BABAM2: variants seen among roughly 807,000 people sequenced by gnomAD.
The protein encoded by BABAM2 is BRISC and BRCA1-A complex member 2.
In BABAM2, 31 loss-of-function variants were observed where a neutral mutation model predicts 54.7. That is an observed-to-expected ratio of 0.57 (90% CI 0.43 to 0.77). The LOEUF (loss-of-function observed/expected upper bound fraction) is 0.77. Ranked by LOEUF, BABAM2 falls within the 30% of genes least tolerant of loss-of-function variation. The pLI, the probability that BABAM2 is intolerant of heterozygous loss-of-function variation, is 0.00. For missense variants in BABAM2, 364 were observed against 455.8 expected (o/e 0.80, Z 1.83); for synonymous variants, 167 against 162.9 (o/e 1.03, Z -0.19).
chr2:28,194,242 A>G (rs910295119), intron 7 of BABAM2, among the ~76,000 whole-genome samples: 7 of 152,110 alleles, frequency 4.6e-5, no homozygotes, highest in African/African-American at 1.7e-4. Context: ...GCAGGGAGCC[A>G]TCTGGTTCCC....
chr2:28,094,251 A>G (rs560698598), intron 6 of BABAM2, among the ~76,000 whole-genome samples: 34 of 152,214 alleles, frequency 2.2e-4, no homozygotes, highest in Non-Finnish European at 4.4e-4. Flanking sequence ...TATGGTCACT[A>G]CAATAAATGC....
At chr2:28,264,794 C>G (rs1225842777) in intron 10 of BABAM2, among the ~76,000 whole-genome samples, 1 of 152,166 alleles carries the variant, frequency 6.6e-6, no homozygotes, top group African/African-American at 2.4e-5. Context: ...AGAGAGTAAA[C>G]ACAAAGACTT....
chr2:28,176,915 A>G (rs1384408923), intron 7 of BABAM2, among the ~76,000 whole-genome samples: 2 of 151,978 alleles, frequency 1.3e-5, no homozygotes, highest in African/African-American at 4.8e-5. Context: ...ATGGGACACC[A>G]TAAAGTGACT....
At chr2:28,154,786 A>G (rs534233913) in intron 7 of BABAM2, among the ~76,000 whole-genome samples, 62 of 152,310 alleles carry the variant, frequency 4.1e-4, no homozygotes, top group African/African-American at 1.4e-3. Flanking sequence ...TAAATAAAAG[A>G]TTTCTTCAAA....
At chr2:27,992,989 T>G (rs533068669) in intron 4 of BABAM2, among the ~76,000 whole-genome samples, 2 of 152,342 alleles carry the variant, frequency 1.3e-5, no homozygotes, top group South Asian at 4.1e-4. Context: ...AGCAATACTC[T>G]CCTCAGTACA....
intron 5 of BABAM2, among the ~76,000 whole-genome samples, chr2:28,026,835 T>G (rs1218559502): frequency 1.8e-5 from 1 of 54,346 alleles, no homozygotes; most frequent in Non-Finnish European, 3.3e-5. Flanking sequence ...TATATATAAA[T>G]ATATATAAAT....
intron 8 of BABAM2, 81 bp downstream of exon 8, chr2:28,237,382 T>C (rs1223394680): frequency 1.6e-6 from 2 of 1,263,468 alleles, no homozygotes; most frequent in African/African-American, 1.5e-5. Flanking sequence ...TCGTGCATGC[T>C]CCATCCTTCT....
intron 3 of BABAM2, among the ~76,000 whole-genome samples, chr2:27,974,732 T>C (rs1671468914): frequency 6.6e-6 from 1 of 152,042 alleles, no homozygotes; most frequent in Non-Finnish European, 1.5e-5. Context: ...CTATATAACA[T>C]AGTACTGGAA....
chr2:28,216,597 A>G (rs952921029), intron 7 of BABAM2, among the ~76,000 whole-genome samples: 2 of 152,198 alleles, frequency 1.3e-5, no homozygotes, highest in Admixed American at 6.5e-5. Flanking sequence ...TTAGTGACAG[A>G]AGCCAACATC....
At chr2:28,069,546 A>G in intron 6 of BABAM2, among the ~76,000 whole-genome samples, 1 of 152,172 alleles carries the variant, frequency 6.6e-6, no homozygotes, top group Non-Finnish European at 1.5e-5. Context: ...TTCTTCCTAA[A>G]TTCCATTAAG....
intron 10 of BABAM2, among the ~76,000 whole-genome samples, chr2:28,291,592 C>A (rs1687286737): frequency 6.7e-6 from 1 of 150,106 alleles, no homozygotes; most frequent in Non-Finnish European, 1.5e-5. Context: ...GAAACTCCGT[C>A]TCCAAAAAAA....
chr2:28,141,242 T>C (rs1052137473), intron 7 of BABAM2, among the ~76,000 whole-genome samples: 3 of 152,066 alleles, frequency 2.0e-5, no homozygotes, highest in Non-Finnish European at 4.4e-5. Context: ...ACACAGAGCA[T>C]TTATTCAGTC....
chr2:28,090,037 T>C (rs919030302), intron 6 of BABAM2, among the ~76,000 whole-genome samples: 6 of 152,180 alleles, frequency 3.9e-5, no homozygotes, highest in African/African-American at 1.4e-4. Context: ...AGCACAGATA[T>C]AATACATTAG....
intron 4 of BABAM2, among the ~76,000 whole-genome samples, chr2:27,992,565 C>T (rs912238542): frequency 6.6e-6 from 1 of 152,068 alleles, no homozygotes; most frequent in Non-Finnish European, 1.5e-5. Flanking sequence ...TACTGTTTTT[C>T]ACGTACAATA....
chr2:28,290,600 A>G (rs1314608263), intron 10 of BABAM2, among the ~76,000 whole-genome samples: 1 of 152,220 alleles, frequency 6.6e-6, no homozygotes, highest in Non-Finnish European at 1.5e-5. Context: ...AAGTGCTAGA[A>G]ATACTAAAAT....
chr2:27,908,566 TCGGCC>T (rs1377079458), intron 2 of BABAM2, among the ~76,000 whole-genome samples: 2 of 152,254 alleles, frequency 1.3e-5, no homozygotes, highest in Middle Eastern at 3.4e-3. Context: ...GCCTCTGTGC[TCGGCC>T]CCAGTAGGTA....
In BABAM2 at chr2:28,105,663, G is replaced by A. The variant is rs550502943; in HGVS notation, c.571-23608G>A. 5.8e-4 allele frequency among the ~76,000 whole-genome samples: 88 copies of A among 152,302 alleles called. 2 individuals carry two copies. The highest frequency in any genetic ancestry group is 2.0e-3 in the African/African-American group (85 of 41,564). The stretch of plus-strand genomic sequence containing the variant: ...GATGTATGTTAAGGTACGATGCATA[G>A]CACCCAGACAGAAATAAGCCTTATT... On this transcript the variant is annotated intron_variant, in intron 6 of 11. Coordinates refer to ENST00000379624, the MANE Select transcript of BABAM2 (RefSeq NM_199191.3).
rs1572380429 is a variant in BABAM2, at chr2:28,304,107, G to A, written c.1088+5616G>A. Among the ~76,000 whole-genome samples, 1 of 151,882 alleles carries A rather than the reference G, an allele frequency of 6.6e-6. No homozygotes were observed. On this transcript the variant is annotated intron_variant, in intron 11 of 11. Transcript: ENST00000379624. This position sits in a 1 kb window ranked among gnomAD's most constrained non-coding sequence, Gnocchi z 4.0. ...TTTTGCTTTTATCACCCAGGCTGGA[G>A]TGCAATGGCATGATCTTGGCTCACC...
At chr2:28,052,374 G>A (rs1026006890) in intron 6 of BABAM2, among the ~76,000 whole-genome samples, 1 of 147,526 alleles carries the variant, frequency 6.8e-6, no homozygotes, top group Middle Eastern at 3.6e-3. Flanking sequence ...TGCCACCTCC[G>A]CCTCTGGGAT....
Sources: gnomAD v4.1 joint callset for allele counts (sites outside exome capture counted in the v4.1 genomes callset) on GRCh38, gnomAD v4.1.1 for gene constraint, Gnocchi (gnomAD v3.1) non-coding constraint, MANE v1.5 for transcripts, NCBI Gene and HGNC (gene_info 2026-07-23, HGNC 2026-07-21) for gene names.